Variants in JAM3 observed in about 807,000 individuals in gnomAD.
JAM3 encodes junctional adhesion molecule 3, also known as junctional adhesion molecule C.
In JAM3, 31 loss-of-function variants were observed where a neutral mutation model predicts 39.4. The ratio of observed to expected loss-of-function variants is 0.79; its 90% CI spans 0.59 to 1.06. JAM3 has a LOEUF of 1.06. Among genes scored for constraint, JAM3 ranks in the 50% least tolerant of loss-of-function variants. The probability of loss-of-function intolerance (pLI) is 0.00; values close to 1 mark genes in which losing one functional copy is unlikely to be tolerated. For missense variants in JAM3, 455 were observed against 391.4 expected (o/e 1.16, Z -1.37); for synonymous variants, 182 against 148.7 (o/e 1.22, Z -1.63).
At chr11:134,102,309 T>C (rs1321338077) in intron 1 of JAM3, among the ~76,000 whole-genome samples, 1 of 152,206 alleles carries the variant, frequency 6.6e-6, no homozygotes, top group Non-Finnish European at 1.5e-5. Context: ...GGGTCCTGAC[T>C]GTTAGAAGGA....
chr11:134,099,947 C>T lies in JAM3; in HGVS notation c.76+30788C>T, dbSNP rs556821086. On this transcript the variant is annotated intron_variant, in intron 1 of 8. Coordinates refer to ENST00000299106, the MANE Select transcript of JAM3 (RefSeq NM_032801.5). ...TAACCTCATCATTTTCTGCTTTGCT[C>T]AGTGGAGATTTTCCAATAATGTCAC... Among the ~76,000 whole-genome samples the T allele has an allele frequency of 3.9e-5, 6 of 152,276 alleles. No homozygotes were observed. The South Asian group carries it at 1.0e-3, about 26-fold the overall frequency.
chr11:134,135,128 T>C (rs1942840658), intron 1 of JAM3, among the ~76,000 whole-genome samples: 1 of 152,184 alleles, frequency 6.6e-6, no homozygotes, highest in Non-Finnish European at 1.5e-5. Flanking sequence ...TAGTTTTAGC[T>C]CTTAAATTTA....
At chr11:134,116,590 C>T (rs761118782) in intron 1 of JAM3, among the ~76,000 whole-genome samples, 22 of 152,262 alleles carry the variant, frequency 1.4e-4, no homozygotes, top group Non-Finnish European at 2.1e-4. Flanking sequence ...TCTGACACTA[C>T]AGGGTGCTCC....
chr11:134,071,732 G>C (rs1310292970), intron 1 of JAM3, among the ~76,000 whole-genome samples: 1 of 152,100 alleles, frequency 6.6e-6, no homozygotes, highest in Non-Finnish European at 1.5e-5. Flanking sequence ...ATTTGCATCT[G>C]TTTGGACTCC....
chr11:134,107,967 G>T, intron 1 of JAM3, among the ~76,000 whole-genome samples: 1 of 151,988 alleles, frequency 6.6e-6, no homozygotes, highest in East Asian at 1.9e-4. Context: ...CAGAAATCAT[G>T]AGACTTCAGA....
At chr11:134,119,263 T>C (rs149385134) in intron 1 of JAM3, among the ~76,000 whole-genome samples, 1 of 152,120 alleles carries the variant, frequency 6.6e-6, no homozygotes, top group African/African-American at 2.4e-5. Context: ...AATGATAGAA[T>C]CAAATAGAAA....
At chr11:134,144,146 G>A in intron 3 of JAM3, 95 bp from the exon 4 acceptor site, 2 of 1,173,510 alleles carry the variant, frequency 1.7e-6, no homozygotes, top group Non-Finnish European at 2.6e-6. Flanking sequence ...AGGCTTCCTT[G>A]CTGTGGCATC....
chr11:134,114,761 C>G (rs1456992429), intron 1 of JAM3, among the ~76,000 whole-genome samples: 1 of 152,052 alleles, frequency 6.6e-6, no homozygotes, highest in Non-Finnish European at 1.5e-5. Context: ...TTTTATGGCT[C>G]GGAATATGGT....
intron 1 of JAM3, among the ~76,000 whole-genome samples, chr11:134,091,520 G>A (rs111774287): frequency 1.5e-4 from 23 of 150,838 alleles, no homozygotes; most frequent in East Asian, 1.4e-3. Flanking sequence ...ATAGATAGAT[G>A]GATAGATAGA....
At chr11:134,144,529 G>A (rs1943034674) in intron 4 of JAM3, 136 bp downstream of exon 4, 2 of 1,077,572 alleles carry the variant, frequency 1.9e-6, no homozygotes, top group Non-Finnish European at 2.8e-6. Context: ...GTTGAGAGCT[G>A]AGACTGCCTG....
rs539757042 is a variant in JAM3 at position 134,113,874 on chromosome 11, T to A, written c.77-25977T>A. On this transcript the variant is annotated intron_variant, in intron 1 of 8. Coordinates refer to ENST00000299106, the MANE Select transcript of JAM3 (RefSeq NM_032801.5). ...CACCTGTTGTTTCCTGACTTTTTAA[T>A]GATCGCAATTCTAACTGGTGTGAGA... 2.9e-3 allele frequency among the ~76,000 whole-genome samples: 436 copies of A among 152,362 alleles called. 3 individuals carry two copies. The highest frequency in any genetic ancestry group is 9.8e-3 in the African/African-American group (406 of 41,584).
intron 1 of JAM3, among the ~76,000 whole-genome samples, chr11:134,083,292 C>G (rs954866332): frequency 7.0e-4 from 106 of 152,010 alleles, no homozygotes; most frequent in African/African-American, 2.2e-3. Context: ...ATCGCTCCCT[C>G]CCTTTCCCTA....
At chr11:134,142,834 C>G (rs1035740279) in intron 3 of JAM3, among the ~76,000 whole-genome samples, 2 of 152,296 alleles carry the variant, frequency 1.3e-5, no homozygotes, top group East Asian at 1.9e-4. Context: ...TTTGCCTGTT[C>G]TGGACACTGG....
At position 134,148,806 on chromosome 11, in the gene JAM3, C is replaced by T. The variant is rs1211643974; in HGVS notation, c.885C>T (p.Arg295=). 8 of 1,614,040 alleles carry T rather than the reference C, an allele frequency of 5.0e-6. No individual in the cohort carries two copies. Among genetic ancestry groups the T allele is most frequent in the Admixed American group, 1.7e-5 (1 of 60,028 alleles). Residue 295 remains arginine (R), a synonymous_variant, in exon 8 of 9, where the codon CGC becomes CGT. Transcript: ENST00000299106. ...PGKPDGVNYI[R]TDEEGDFRHK... ...AACCAGATGGAGTTAACTACATCCG[C>T]ACTGACGAGGAGGTAATCATTTAGT...
At chr11:134,117,595 T>C (rs978028872) in intron 1 of JAM3, among the ~76,000 whole-genome samples, 1 of 152,220 alleles carries the variant, frequency 6.6e-6, no homozygotes, top group African/African-American at 2.4e-5. Context: ...GAATATTTTA[T>C]AGCATATTTA....
At chr11:134,074,552 T>A (rs1235204800) in intron 1 of JAM3, among the ~76,000 whole-genome samples, 4 of 152,206 alleles carry the variant, frequency 2.6e-5, no homozygotes, top group African/African-American at 9.7e-5. Context: ...TAGTTGCCAC[T>A]GACTTTTGGG....
chr11:134,148,530 A>G lies in JAM3; in HGVS notation c.713-17A>G, dbSNP rs199852260. The G allele has an allele frequency of 6.2e-7, 1 of 1,614,030 alleles. No homozygotes were observed. ...ATAGTGTGTATCATGGCTTCCACCAAACCTCCTTTTCTTCAGATGACCTGA... is the reference window on the plus strand; with the variant it reads ...ATAGTGTGTATCATGGCTTCCACCAGACCTCCTTTTCTTCAGATGACCTGA... On this transcript the variant is annotated splice_polypyrimidine_tract_variant and intron_variant, in intron 6 of 8. Transcript: ENST00000299106.
intron 6 of JAM3, 72 bp from the exon 7 acceptor site, chr11:134,148,475 C>A (rs1166965537): frequency 6.8e-6 from 11 of 1,607,584 alleles, no homozygotes; most frequent in Non-Finnish European, 9.4e-6. Flanking sequence ...GAAGGAGGCA[C>A]AGCAGGGCCA....
At chr11:134,111,805 A>G (rs2120731169) in intron 1 of JAM3, among the ~76,000 whole-genome samples, 1 of 152,324 alleles carries the variant, frequency 6.6e-6, no homozygotes, top group African/African-American at 2.4e-5. Context: ...AATGCCTCTC[A>G]ATTAACAAAA....
Sources: gnomAD v4.1 joint callset for allele counts (sites outside exome capture counted in the v4.1 genomes callset) on GRCh38, gnomAD v4.1.1 for gene constraint, MANE v1.5 for transcripts, NCBI Gene and HGNC (gene_info 2026-07-23, HGNC 2026-07-21) for gene names.